The following TYW1 variants were observed in gnomAD, a reference collection of about 807,000 sequenced individuals.
The protein encoded by TYW1 is tRNA-yW synthesizing protein 1 homolog.
TYW1 carries 46 observed loss-of-function variants against 96.2 expected under a neutral mutation model. The ratio of observed to expected loss-of-function variants is 0.48; its 90% CI spans 0.38 to 0.61. The LOEUF is 0.61. Ranked by LOEUF, TYW1 falls within the 20% of genes least tolerant of loss-of-function variation. TYW1 has a pLI of 0.00. For missense variants in TYW1, 684 were observed against 909.6 expected (o/e 0.75, Z 3.19); for synonymous variants, 274 against 323.0 (o/e 0.85, Z 1.63).
At chr7:67,223,481 T>A (rs1801461576) in intron 15 of TYW1, among the ~76,000 whole-genome samples, 1 of 152,020 alleles carries the variant, frequency 6.6e-6, no homozygotes, top group Non-Finnish European at 1.5e-5. Flanking sequence ...CCTATAAATA[T>A]GTTTATTTTT....
chr7:67,112,825 G>T (rs796376609), intron 12 of TYW1, among the ~76,000 whole-genome samples: 14 of 152,246 alleles, frequency 9.2e-5, no homozygotes, highest in African/African-American at 3.1e-4. Context: ...ACGGTGCGCT[G>T]TGCTGGCTTT....
At chr7:67,150,982 C>A (rs1406189692) in intron 13 of TYW1, among the ~76,000 whole-genome samples, 1 of 152,244 alleles carries the variant, frequency 6.6e-6, no homozygotes, top group East Asian at 1.9e-4. Flanking sequence ...TTACACCAGA[C>A]CTCCCTAGAA....
At chr7:67,079,514 A>G (rs1796315726) in intron 10 of TYW1, among the ~76,000 whole-genome samples, 1 of 149,924 alleles carries the variant, frequency 6.7e-6, no homozygotes, top group Non-Finnish European at 1.5e-5. Context: ...GGTTAGTCTA[A>G]TGGTTTGTCG....
chr7:67,120,136 C>T (rs914779327), intron 13 of TYW1, among the ~76,000 whole-genome samples: 3 of 151,594 alleles, frequency 2.0e-5, no homozygotes, highest in South Asian at 2.1e-4. Context: ...GGCTGGTTTG[C>T]GGTGGTGTGA....
At chr7:66,998,751 TC>T in intron 2 of TYW1, 65 bp from the exon 3 acceptor site, 1 of 1,567,498 alleles carries the variant, frequency 6.4e-7, no homozygotes, top group Non-Finnish European at 8.7e-7. Context: ...GTGCTAATTT[TC>T]ATCCCTGCTG....
chr7:67,131,293 GT>G (rs1798065689), intron 13 of TYW1, among the ~76,000 whole-genome samples: 1 of 152,020 alleles, frequency 6.6e-6, no homozygotes, highest in African/African-American at 2.4e-5. Context: ...AGGTAATTTT[GT>G]TTGAATTTTA....
At chr7:67,199,511 A>G (rs1800519739) in intron 15 of TYW1, among the ~76,000 whole-genome samples, 1 of 152,150 alleles carries the variant, frequency 6.6e-6, no homozygotes, top group African/African-American at 2.4e-5. Flanking sequence ...GCACTTATTG[A>G]TGGTTCCTGC....
intron 10 of TYW1, among the ~76,000 whole-genome samples, chr7:67,080,938 CTGTT>C: frequency 4.7e-5 from 1 of 21,320 alleles, no homozygotes; most frequent in Middle Eastern, 0.026. Flanking sequence ...TGCTTTCTTA[CTGTT>C]TTTTTTTTTT....
chr7:67,076,876 G>C (rs937146786), intron 10 of TYW1, among the ~76,000 whole-genome samples: 6 of 150,782 alleles, frequency 4.0e-5, no homozygotes, highest in African/African-American at 7.3e-5. Context: ...CCAGGTTCAA[G>C]TGATTCTCTT....
Position 67,089,239 on chromosome 7 carries a change from C to G in TYW1, c.1384+5700C>G, listed in dbSNP as rs34711797. ...ATCTATATACAAGCCCTGGGGGTAGCGGGCAAGAGGAACTCCCTCAGTGGG... is the reference window on the plus strand; with the variant it reads ...ATCTATATACAAGCCCTGGGGGTAGGGGGCAAGAGGAACTCCCTCAGTGGG... On this transcript the variant is annotated intron_variant, in intron 11 of 15. Transcript: ENST00000359626. The G allele has an allele frequency of 4.2e-5, 51 of 1,209,828 alleles. 1 individual carries two copies. The highest frequency in any genetic ancestry group is 2.9e-4 in the Middle Eastern group (1 of 3,452). 74.9% of individuals were successfully genotyped at this position (1,209,828 alleles called of 1,614,324 possible). A position where few individuals can be genotyped will look rare whatever the true frequency, so the allele number is the denominator to read the frequency against.
At position 67,010,592 on chromosome 7, in the gene TYW1, C is replaced by T. The variant is rs1304675172; in HGVS notation, c.375+908C>T. Reference sequence around the variant, plus strand: ...CCGGGTTCACGCCATTCTCCTGCCTCAGCCTCCCGAGTAGGTGGGACTACA... The same window carrying T: ...CCGGGTTCACGCCATTCTCCTGCCTTAGCCTCCCGAGTAGGTGGGACTACA... On this transcript the variant is annotated intron_variant, in intron 4 of 15. Transcript: ENST00000359626. Among the ~76,000 whole-genome samples, 8 of 152,078 alleles carry T rather than the reference C, an allele frequency of 5.3e-5. No homozygotes were observed. In the East Asian group the frequency reaches 1.5e-3, roughly 29 times the overall value.
intron 7 of TYW1, among the ~76,000 whole-genome samples, chr7:67,029,412 T>TATATATAC (rs1562973590): frequency 7.2e-6 from 1 of 139,300 alleles, no homozygotes; most frequent in Non-Finnish European, 1.5e-5. Flanking sequence ...TGTGTGTGTG[T>TATATATAC]GTGTATATAT....
intron 7 of TYW1, 111 bp downstream of exon 7, chr7:67,025,133 A>G: frequency 3.3e-6 from 5 of 1,507,560 alleles, no homozygotes; most frequent in East Asian, 2.3e-5. Context: ...TCATTTCTCT[A>G]GCTTCTGTCT....
intron 13 of TYW1, among the ~76,000 whole-genome samples, chr7:67,143,150 A>G (rs1473574920): frequency 1.3e-5 from 2 of 152,020 alleles, no homozygotes; most frequent in Non-Finnish European, 2.9e-5. Flanking sequence ...CTTTGTTTAT[A>G]CTATAATCAT....
chr7:67,162,542 C>T (rs1316637715), intron 13 of TYW1, among the ~76,000 whole-genome samples: 1 of 152,074 alleles, frequency 6.6e-6, no homozygotes, highest in Non-Finnish European at 1.5e-5. Context: ...TTTACTTTGT[C>T]TCAGTCGTTT....
chr7:67,235,701 C>A (rs1376009105), intron 15 of TYW1, among the ~76,000 whole-genome samples: 3 of 151,936 alleles, frequency 2.0e-5, no homozygotes, highest in Non-Finnish European at 1.5e-5. Flanking sequence ...ACCATCCTGG[C>A]TAACTCGGTA....
intron 12 of TYW1, among the ~76,000 whole-genome samples, chr7:67,113,523 A>G (rs1215250522): frequency 1.3e-5 from 2 of 152,172 alleles, no homozygotes; most frequent in Admixed American, 6.5e-5. Context: ...ACTGAGCCAC[A>G]CTGTGGATTT....
rs557140807 is a variant in TYW1, at chr7:67,198,082, A to T, written c.1977+2745A>T. ...GTGTGAATTTCTTAAGACTAGGAAT[A>T]TTTTCTCTTACAACCACAATACAGT... On this transcript the variant is annotated intron_variant, in intron 15 of 15. Transcript: ENST00000359626. Among the ~76,000 whole-genome samples the T allele has an allele frequency of 6.5e-4, 99 of 151,972 alleles. 1 individual carries two copies. The highest frequency in any genetic ancestry group is 6.8e-3 in the Middle Eastern group (2 of 294).
At chr7:67,060,318 C>T (rs28828479) in intron 9 of TYW1, among the ~76,000 whole-genome samples, 5,092 of 152,086 alleles carry the variant, frequency 0.033, 266 homozygotes, top group African/African-American at 0.12. Context: ...TCAAGTGATC[C>T]GTCCGCCTTG....
Sources: gnomAD v4.1 joint callset for allele counts (sites outside exome capture counted in the v4.1 genomes callset) on GRCh38, gnomAD v4.1.1 for gene constraint, MANE v1.5 for transcripts, NCBI Gene and HGNC (gene_info 2026-07-23, HGNC 2026-07-21) for gene names.